The following GPN3 variants were observed in gnomAD, a reference collection of about 807,000 sequenced individuals.
GPN3 encodes ATP-binding domain 1 family member C.
In GPN3, 31 loss-of-function variants were observed where a neutral mutation model predicts 38.7. That is an observed-to-expected ratio of 0.80 (90% CI 0.60 to 1.08). GPN3 has a LOEUF of 1.08. Among genes scored for constraint, GPN3 ranks in the 50% least tolerant of loss-of-function variants. The pLI is 0.00. For missense variants in GPN3, 301 were observed against 354.4 expected, an observed-to-expected ratio of 0.85 and a Z score of 1.21; for synonymous variants, 116 against 120.2, an observed-to-expected ratio of 0.96 and a Z score of 0.23.
intron 1 of GPN3, among the ~76,000 whole-genome samples, chr12:110,466,470 T>C (rs1355483792): frequency 6.6e-6 from 1 of 152,122 alleles, no homozygotes; most frequent in Non-Finnish European, 1.5e-5. Context: ...CTGTTGTCTC[T>C]GTCTGGAATG....
Position 110,453,734 on chromosome 12 carries a change from A to T in GPN3, c.792+9T>A. On this transcript the variant is annotated intron_variant, in intron 7 of 7. Transcript: ENST00000228827. ...CAAAAGCTAACAAACACCCCAAACC[A>T]GAAATTACCTTTGGTTCTTTAAATT... 6.2e-7 allele frequency: 1 copy of T among 1,605,702 alleles called. No homozygotes were observed. The highest frequency in any genetic ancestry group is 1.7e-5 in the Admixed American group (1 of 59,920).
At chr12:110,455,315 C>G (rs1592960789) in intron 6 of GPN3, among the ~76,000 whole-genome samples, 2 of 150,176 alleles carry the variant, frequency 1.3e-5, no homozygotes, top group African/African-American at 4.9e-5. Flanking sequence ...TTAGTAGAGA[C>G]AGGGTTTCAC....
intron 1 of GPN3, 90 bp from the exon 2 acceptor site, chr12:110,465,304 C>T (rs1231929323): frequency 1.3e-6 from 1 of 791,280 alleles, no homozygotes; most frequent in Non-Finnish European, 2.3e-6. Context: ...AAGGTCAAAA[C>T]TATGCCTTCA....
chr12:110,456,101 G>A (rs2062547750), intron 4 of GPN3, among the ~76,000 whole-genome samples, 171 bp from the exon 5 acceptor site: 1 of 152,080 alleles, frequency 6.6e-6, no homozygotes, highest in Admixed American at 6.6e-5. Flanking sequence ...AGGCTGAGGC[G>A]GGCAGATCAC....
intron 7 of GPN3, 33 bp from the exon 8 acceptor site, chr12:110,453,129 A>T: frequency 9.7e-7 from 1 of 1,031,402 alleles, no homozygotes; most frequent in Middle Eastern, 2.0e-4. Context: ...TAGAAAATAT[A>T]TTCATTTCCC....
intron 1 of GPN3, 121 bp from the exon 2 acceptor site, chr12:110,465,335 C>T: frequency 1.5e-6 from 1 of 686,234 alleles, no homozygotes; most frequent in South Asian, 1.6e-5. Context: ...GGCTGACTGA[C>T]AACAAGGGAA....
chr12:110,468,544 G>A, upstream of GPN3: 1 of 1,537,322 alleles, frequency 6.5e-7, no homozygotes, highest in Non-Finnish European at 8.7e-7. Context: ...TTTGCGTGCA[G>A]ACGTTTGACC....
At chr12:110,461,930 C>T (rs1221091412) in intron 2 of GPN3, among the ~76,000 whole-genome samples, 2 of 152,144 alleles carry the variant, frequency 1.3e-5, no homozygotes, top group Non-Finnish European at 2.9e-5. Context: ...CAACCTTGAC[C>T]TCGTAGGCTC....
At chr12:110,467,119 G>A (rs974744926) in intron 1 of GPN3, among the ~76,000 whole-genome samples, 1 of 151,930 alleles carries the variant, frequency 6.6e-6, no homozygotes, top group Non-Finnish European at 1.5e-5. Context: ...TTCCCGAGAA[G>A]CTGGGACTAG....
At position 110,468,240 on chromosome 12, in the gene GPN3, C is replaced by T. The variant is rs368143971; in HGVS notation, c.-37G>A. 2.5e-6 allele frequency: 4 copies of T among 1,606,116 alleles called. No homozygotes were observed. Among genetic ancestry groups the T allele is most frequent in the Non-Finnish European group, 3.4e-6 (4 of 1,179,796 alleles). On this transcript the variant is annotated 5_prime_UTR_variant, in exon 1 of 8. Transcript: ENST00000228827. ...GAGCCGCCCGCCACACTCCCTTAGC[C>T]TTCGCGCGACGCCCACTGAGCTCCG... is the stretch of plus-strand genomic sequence containing the variant.
At chr12:110,453,614 A>AAGCCC in intron 7 of GPN3, 129 bp downstream of exon 7, 1 of 671,736 alleles carries the variant, frequency 1.5e-6, no homozygotes, top group Non-Finnish European at 2.6e-6. Flanking sequence ...TCACCCAGAA[A>AAGCCC]AGCCCAGTTA....
chr12:110,460,127 T>C (rs112861280), intron 2 of GPN3, among the ~76,000 whole-genome samples: 5 of 152,206 alleles, frequency 3.3e-5, no homozygotes, highest in African/African-American at 1.2e-4. Context: ...CCTAGGTATA[T>C]TGTTCAGTGA....
upstream of GPN3, chr12:110,468,705 A>C: frequency 1.5e-5 from 23 of 1,516,694 alleles, no homozygotes; most frequent in Non-Finnish European, 9.7e-6. Context: ...CAGCGACCGC[A>C]GCGCTCCTGC....
chr12:110,461,348 T>A, intron 2 of GPN3: 1 of 803,646 alleles, frequency 1.2e-6, no homozygotes, highest in East Asian at 2.4e-5. Flanking sequence ...ACAGACAATG[T>A]CGATGAGAAC....
At chr12:110,462,680 C>T (rs185640816) in intron 2 of GPN3, among the ~76,000 whole-genome samples, 34 of 152,248 alleles carry the variant, frequency 2.2e-4, no homozygotes, top group Admixed American at 5.9e-4. Context: ...CTCTGCCTCC[C>T]GGGTTCAAGC....
At position 110,457,469 on chromosome 12, in the gene GPN3, A is replaced by G. The variant is rs2062558394; in HGVS notation, c.450+41T>C. Reference sequence around the variant, plus strand: ...TCTGTCACACACACAAAAAAAAAAAAAAAAAAAAAAAAAAAATCTGTAAGA... The same window carrying G: ...TCTGTCACACACACAAAAAAAAAAAGAAAAAAAAAAAAAAAATCTGTAAGA... On this transcript the variant is annotated intron_variant, in intron 4 of 7. Transcript: ENST00000228827. The G allele has an allele frequency of 2.2e-6, 3 of 1,373,414 alleles. No individual in the cohort carries two copies. The South Asian group carries it at 4.8e-5, about 22-fold the overall frequency. 85.1% of individuals were successfully genotyped at this position (1,373,414 alleles called of 1,614,324 possible). A position where few individuals can be genotyped will look rare whatever the true frequency, so the allele number is the denominator to read the frequency against.
intron 2 of GPN3, among the ~76,000 whole-genome samples, chr12:110,461,754 T>C (rs2062591489): frequency 6.6e-6 from 1 of 152,178 alleles, no homozygotes; most frequent in South Asian, 2.1e-4. Flanking sequence ...CTGAGCTTCA[T>C]TCACAGTCAC....
intron 2 of GPN3, among the ~76,000 whole-genome samples, chr12:110,460,086 AT>A (rs1157399329): frequency 1.3e-5 from 2 of 152,222 alleles, no homozygotes; most frequent in Non-Finnish European, 2.9e-5. Context: ...AATGGGGAAA[AT>A]CTCTTTAAGT....
In GPN3 at chr12:110,452,720, A is replaced by G. The variant is rs921672620; in HGVS notation, c.*314T>C. ...AATTCCTGCATCTCAAAAATAATACAAAAAGTGAAAATAAGTTTAGACCAG... is the reference window on the plus strand; with the variant it reads ...AATTCCTGCATCTCAAAAATAATACGAAAAGTGAAAATAAGTTTAGACCAG... On this transcript the variant is annotated 3_prime_UTR_variant, in exon 8 of 8. Transcript: ENST00000228827. 2.0e-5 allele frequency: 5 copies of G among 248,428 alleles called. No individual in the cohort carries two copies. The allele number at this position is 248,428 out of a possible 1,614,324, so 15.4% of individuals were successfully genotyped here. A position where few individuals can be genotyped will look rare whatever the true frequency, so the allele number is the denominator to read the frequency against.
Sources: gnomAD v4.1 joint callset for allele counts (sites outside exome capture counted in the v4.1 genomes callset) on GRCh38, gnomAD v4.1.1 for gene constraint, MANE v1.5 for transcripts, NCBI Gene and HGNC (gene_info 2026-07-23, HGNC 2026-07-21) for gene names.